The following AGK variants were observed in gnomAD, a reference collection of about 807,000 sequenced individuals.
AGK encodes the protein acylglycerol kinase, mitochondrial.
A neutral mutation model predicts 66.4 loss-of-function variants in AGK; 52 were observed. The observed-to-expected ratio is 0.78, with a 90% CI of 0.63 to 0.99. AGK has a LOEUF of 0.99. AGK is among the 50% of genes least tolerant of loss of function. AGK has a pLI of 0.00. For synonymous variants in AGK, 182 were observed against 181.1 expected, an observed-to-expected ratio of 1.00 and a Z score of -0.04; for missense variants, 451 against 506.6, an observed-to-expected ratio of 0.89 and a Z score of 1.05.
intron 5 of AGK, among the ~76,000 whole-genome samples, chr7:141,609,391 C>T (rs1402288864): frequency 6.6e-6 from 1 of 152,174 alleles, no homozygotes; most frequent in East Asian, 1.9e-4. Context: ...CCCAACCTCC[C>T]CTCAGGTTCG....
chr7:141,553,586 C>T (rs1485429894), intron 1 of AGK, among the ~76,000 whole-genome samples: 1 of 152,136 alleles, frequency 6.6e-6, no homozygotes, highest in African/African-American at 2.4e-5. Flanking sequence ...CGCATGAGAC[C>T]CATTCTTCTC....
At chr7:141,572,283 T>A (rs1162717940) in intron 2 of AGK, among the ~76,000 whole-genome samples, 1 of 152,198 alleles carries the variant, frequency 6.6e-6, no homozygotes, top group Admixed American at 6.5e-5. Context: ...TGCATTTAAA[T>A]AGTTTACACA....
intron 13 of AGK, among the ~76,000 whole-genome samples, chr7:141,647,730 G>A (rs572821472): frequency 3.9e-5 from 6 of 152,282 alleles, no homozygotes; most frequent in South Asian, 2.1e-4. Flanking sequence ...GAGTGCAATC[G>A]TGCGATATTG....
intron 8 of AGK, among the ~76,000 whole-genome samples, chr7:141,616,959 GTGT>G (rs1288156134): frequency 2.0e-5 from 3 of 151,782 alleles, no homozygotes; most frequent in Non-Finnish European, 4.4e-5. Flanking sequence ...GGGTTTCACT[GTGT>G]TAGCCAGGAT....
intron 2 of AGK, among the ~76,000 whole-genome samples, chr7:141,571,954 G>A (rs745729743): frequency 5.3e-5 from 8 of 152,138 alleles, no homozygotes; most frequent in Non-Finnish European, 1.0e-4. Context: ...TATCATTTGA[G>A]TTAAGTCCTG....
At chr7:141,616,692 T>C (rs1796707331) in intron 8 of AGK, among the ~76,000 whole-genome samples, 1 of 152,112 alleles carries the variant, frequency 6.6e-6, no homozygotes, top group East Asian at 1.9e-4. Flanking sequence ...AGCTATTCAT[T>C]AGCCATCCTG....
chr7:141,559,635 T>C (rs1223324287), intron 2 of AGK, among the ~76,000 whole-genome samples: 1 of 152,168 alleles, frequency 6.6e-6, no homozygotes, highest in African/African-American at 2.4e-5. Flanking sequence ...GTTTTTTCTA[T>C]TTTTGCAAAA....
In AGK at chr7:141,652,882, TCCTA is replaced by T; in HGVS notation, c.1228_1231del (p.Pro410GlyfsTer78). The T allele has an allele frequency of 6.2e-7, 1 of 1,614,028 alleles. No individual in the cohort carries two copies. Among genetic ancestry groups the T allele is most frequent in the Non-Finnish European group, 8.5e-7 (1 of 1,180,010 alleles). On this transcript the variant is annotated frameshift_variant, in exon 16 of 16. Coordinates refer to ENST00000649286, the MANE Select transcript of AGK (RefSeq NM_018238.4). LOFTEE classifies it high-confidence loss of function. ...CCAGGAAGCTGCAGTTCTTCTGTGA[TCCTA>T]GGAAGAGAGAACAGATGCTCACAAG...
chr7:141,646,576 G>T (rs1797418454), intron 13 of AGK, among the ~76,000 whole-genome samples: 1 of 152,138 alleles, frequency 6.6e-6, no homozygotes, highest in Admixed American at 6.5e-5. Flanking sequence ...TAGAACAGGG[G>T]TCAGCAAAGG....
chr7:141,588,940 C>T (rs1247107220), intron 2 of AGK, among the ~76,000 whole-genome samples: 1 of 152,156 alleles, frequency 6.6e-6, no homozygotes, highest in African/African-American at 2.4e-5. Context: ...TCACTCTCAT[C>T]GCCATCTTGG....
At chr7:141,609,759 G>A (rs183378455) in intron 5 of AGK, among the ~76,000 whole-genome samples, 35 of 152,254 alleles carry the variant, frequency 2.3e-4, no homozygotes, top group South Asian at 8.3e-4. Flanking sequence ...GATCTTTCTG[G>A]TGACCAGCTC....
intron 13 of AGK, among the ~76,000 whole-genome samples, chr7:141,646,361 C>T (rs575385925): frequency 1.3e-5 from 2 of 151,854 alleles, no homozygotes; most frequent in Non-Finnish European, 2.9e-5. Flanking sequence ...AGGAATAGTT[C>T]GTGTTCAAAC....
intron 9 of AGK, among the ~76,000 whole-genome samples, chr7:141,624,743 C>T (rs1796898429): frequency 6.6e-6 from 1 of 152,138 alleles, no homozygotes. Flanking sequence ...GGTGAGGATG[C>T]CGTGAACCAT....
intron 8 of AGK, among the ~76,000 whole-genome samples, chr7:141,620,416 G>C (rs1796798161): frequency 6.6e-6 from 1 of 152,142 alleles, no homozygotes; most frequent in Non-Finnish European, 1.5e-5. Context: ...TTGTCACTCT[G>C]TCCTAACAAT....
chr7:141,570,123 C>T (rs36111174), intron 2 of AGK, among the ~76,000 whole-genome samples: 5,149 of 152,258 alleles, frequency 0.034, 138 homozygotes, highest in South Asian at 0.14. Context: ...CGCAGTGGCT[C>T]ACACCTGTAA....
Position 141,652,747 on chromosome 7 carries a change from T to G in AGK, c.1132-40T>G, listed in dbSNP as rs200393746. ...GAGACCTCCAACTCCAGTAGGCCAC[T>G]GATGTGTTTGAGCTGTTCTGAATAT... On this transcript the variant is annotated intron_variant, in intron 15 of 15. Coordinates refer to ENST00000649286, the MANE Select transcript of AGK (RefSeq NM_018238.4). 8,706 of 1,606,672 alleles carry G rather than the reference T, an allele frequency of 5.4e-3. 490 individuals are homozygous for G. In the South Asian group the frequency reaches 0.09, roughly 17 times the overall value.
rs572136347 is a variant in AGK at position 141,641,286 on chromosome 7, G to A, written c.765G>A (p.Thr255=). 7 of 1,613,838 alleles carry A rather than the reference G, an allele frequency of 4.3e-6. No homozygotes were observed. The highest frequency in any genetic ancestry group is 2.2e-5 in the East Asian group (1 of 44,864). The change falls in exon 12 of 16, where the codon ACG becomes ACA. Residue 255 remains threonine (T), a synonymous_variant. Coordinates refer to ENST00000649286, the MANE Select transcript of AGK (RefSeq NM_018238.4). ...CTCATCAAGCCTCTATCTCATACAC[G>A]GGACCTACAGAGAGACCTCCCAATG... is the stretch of plus-strand genomic sequence containing the variant. ...PQTHQASISY[T]GPTERPPNEP... is the part of the protein sequence containing the mutation.
chr7:141,594,072 T>TCA (rs1298620840), intron 3 of AGK: 2 of 152,256 alleles, frequency 1.3e-5, no homozygotes, highest in African/African-American at 2.4e-5. Context: ...TAGCGATTGT[T>TCA]ATCTAGCTGT....
intron 4 of AGK, among the ~76,000 whole-genome samples, chr7:141,599,803 A>C (rs1044978149): frequency 3.9e-5 from 6 of 152,194 alleles, no homozygotes; most frequent in Admixed American, 3.9e-4. Flanking sequence ...TTTTATGTTC[A>C]TTCTAATAAT....
Sources: allele counts gnomAD v4.1 joint callset (sites outside exome capture counted in the v4.1 genomes callset), GRCh38; gene constraint gnomAD v4.1.1; transcripts MANE v1.5; gene names NCBI Gene and HGNC (gene_info 2026-07-23, HGNC 2026-07-21).